The following PRIM2 variants were observed in gnomAD, a reference collection of about 807,000 sequenced individuals.
The protein encoded by PRIM2 is DNA primase large subunit.
PRIM2 carries 39 observed loss-of-function variants against 67.3 expected under a neutral mutation model. That is an observed-to-expected ratio of 0.58 (90% CI 0.45 to 0.76). The LOEUF is 0.76. PRIM2 is among the 30% of genes least tolerant of loss of function. The pLI is 0.00. For synonymous variants in PRIM2, 143 were observed against 198.7 expected, an observed-to-expected ratio of 0.72 and a Z score of 2.36; for missense variants, 398 against 598.7, an observed-to-expected ratio of 0.66 and a Z score of 3.50.
chr6:57,588,301 G>T (rs1255772015), intron 10 of PRIM2, among the ~76,000 whole-genome samples: 1 of 152,110 alleles, frequency 6.6e-6, no homozygotes, highest in Non-Finnish European at 1.5e-5. Context: ...TGAGCTGGGG[G>T]CAAAGCATCA....
intron 5 of PRIM2, among the ~76,000 whole-genome samples, chr6:57,363,951 T>A (rs1396757655): frequency 1.3e-5 from 2 of 152,174 alleles, no homozygotes; most frequent in African/African-American, 4.8e-5. Flanking sequence ...CTTCTTTTTG[T>A]TCTTTCTCTG....
intron 13 of PRIM2, among the ~76,000 whole-genome samples, chr6:57,641,825 G>A (rs1301740865): frequency 1.3e-5 from 2 of 152,160 alleles, no homozygotes; most frequent in Admixed American, 6.5e-5. Flanking sequence ...ACAGTGTGGC[G>A]ATTTCTCAAG....
At chr6:57,240,510 A>G in the PRIM2 span, among the ~76,000 whole-genome samples, 1 of 152,124 alleles carries the variant, frequency 6.6e-6, no homozygotes, top group African/African-American at 2.4e-5. Flanking sequence ...ACGGGGGAAG[A>G]TAAAATGAAA....
chr6:57,536,722 A>C (rs1775010009), intron 9 of PRIM2, among the ~76,000 whole-genome samples: 1 of 152,214 alleles, frequency 6.6e-6, no homozygotes, highest in Non-Finnish European at 1.5e-5. Context: ...AAAAAATGAC[A>C]ATCTCAAAAC....
At chr6:57,475,161 C>T (rs1284737467) in intron 7 of PRIM2, among the ~76,000 whole-genome samples, 2 of 152,144 alleles carry the variant, frequency 1.3e-5, no homozygotes. Context: ...ACTGTATTTT[C>T]TTTTAGCCTC....
chr6:57,560,054 AGT>A (rs1222090966), intron 10 of PRIM2, among the ~76,000 whole-genome samples: 1 of 152,186 alleles, frequency 6.6e-6, no homozygotes, highest in African/African-American at 2.4e-5. Context: ...TGTGGCATGC[AGT>A]GCTGTTTGAT....
chr6:57,326,188 A>G (rs1159638927), intron 5 of PRIM2, 143 bp downstream of exon 5: 2 of 818,516 alleles, frequency 2.4e-6, no homozygotes, highest in Non-Finnish European at 3.6e-6. Flanking sequence ...GCTTTGGATA[A>G]CAATATATCT....
rs148503984 is a variant in PRIM2 at position 57,373,407 on chromosome 6, T to C, written c.460-6494T>C. Among the ~76,000 whole-genome samples, 16 of 152,302 alleles carry C rather than the reference T, an allele frequency of 1.1e-4. No homozygotes were observed. The East Asian group carries it at 2.9e-3, about 28-fold the overall frequency. ...ATTTTCTCCCATTCTTTAGATTGTCTGTTTACTCTGTTGATAGATTCTTTT... is the reference window on the plus strand; with the variant it reads ...ATTTTCTCCCATTCTTTAGATTGTCCGTTTACTCTGTTGATAGATTCTTTT... On this transcript the variant is annotated intron_variant, in intron 5 of 13. Transcript: ENST00000615550.
At chr6:57,637,272 A>C (rs1372244455) in intron 13 of PRIM2, among the ~76,000 whole-genome samples, 1 of 152,208 alleles carries the variant, frequency 6.6e-6, no homozygotes, top group African/African-American at 2.4e-5. Context: ...ATCAAAGACC[A>C]AAGGTAGATA....
intron 7 of PRIM2, among the ~76,000 whole-genome samples, chr6:57,413,785 C>T (rs1268315471): frequency 6.6e-6 from 1 of 152,042 alleles, no homozygotes; most frequent in Non-Finnish European, 1.5e-5. Flanking sequence ...TATATTAATA[C>T]TGTTGTAAAA....
intron 5 of PRIM2, among the ~76,000 whole-genome samples, chr6:57,328,148 T>A (rs777386492): frequency 2.0e-5 from 3 of 152,194 alleles, no homozygotes; most frequent in Non-Finnish European, 4.4e-5. Flanking sequence ...GAGACCCCAG[T>A]TGTAGAGTGT....
chr6:57,443,588 C>T (rs1401486638), intron 7 of PRIM2, among the ~76,000 whole-genome samples: 21 of 152,118 alleles, frequency 1.4e-4, no homozygotes, highest in Non-Finnish European at 1.6e-4. Context: ...GTCCCTTGCC[C>T]ATTTTTAAAC....
intron 7 of PRIM2, among the ~76,000 whole-genome samples, chr6:57,496,636 T>C (rs1214838251): frequency 6.6e-6 from 1 of 152,190 alleles, no homozygotes; most frequent in Non-Finnish European, 1.5e-5. Flanking sequence ...TTTATTATCT[T>C]ACATTAAATA....
the PRIM2 span, among the ~76,000 whole-genome samples, chr6:57,266,455 A>G: frequency 6.6e-6 from 1 of 152,216 alleles, no homozygotes; most frequent in Non-Finnish European, 1.5e-5. Context: ...TCAAATAATC[A>G]GCTCGACAAT....
chr6:57,385,832 T>C (rs540882161), intron 7 of PRIM2, among the ~76,000 whole-genome samples: 13 of 152,340 alleles, frequency 8.5e-5, no homozygotes, highest in African/African-American at 2.6e-4. Context: ...TATGTTCTTT[T>C]CATTGCATTC....
intron 5 of PRIM2, among the ~76,000 whole-genome samples, chr6:57,365,036 A>C (rs1338118065): frequency 1.3e-5 from 2 of 152,062 alleles, no homozygotes; most frequent in African/African-American, 4.8e-5. Context: ...CTCTCCCCTT[A>C]ACATATTCTG....
At chr6:57,252,342 C>A in the PRIM2 span, among the ~76,000 whole-genome samples, 1 of 152,234 alleles carries the variant, frequency 6.6e-6, no homozygotes, top group South Asian at 2.1e-4. Flanking sequence ...TATTTAATCC[C>A]ACAACAAGCC....
chr6:57,494,897 AAATGTGCT>A (rs1206255056), intron 7 of PRIM2, among the ~76,000 whole-genome samples: 5 of 152,240 alleles, frequency 3.3e-5, no homozygotes, highest in African/African-American at 4.8e-5. Context: ...CAATTGACAT[AAATGTGCT>A]TATCACAGTG....
the PRIM2 span, among the ~76,000 whole-genome samples, chr6:57,261,133 G>A: frequency 6.6e-6 from 1 of 152,194 alleles, no homozygotes; most frequent in Non-Finnish European, 1.5e-5. Flanking sequence ...TCCTCTATCA[G>A]TCAGGATTCT....
Sources: allele counts gnomAD v4.1 joint callset (sites outside exome capture counted in the v4.1 genomes callset), GRCh38; gene constraint gnomAD v4.1.1; transcripts MANE v1.5; gene names NCBI Gene and HGNC (gene_info 2026-07-23, HGNC 2026-07-21).